Variants in ROBO2 observed in about 807,000 individuals in gnomAD.
ROBO2 encodes the protein roundabout homolog 2.
Under a neutral mutation model 160.8 loss-of-function variants are expected in ROBO2, and 53 were observed. The observed-to-expected ratio is 0.33, with a 90% confidence interval of 0.26 to 0.41. ROBO2 has a LOEUF of 0.41. ROBO2 is among the 10% of genes least tolerant of loss of function. ROBO2 has a pLI of 1.00. For missense variants in ROBO2, 1,577 were observed against 1,722.4 expected, an observed-to-expected ratio of 0.92 and a Z score of 1.49; for synonymous variants, 664 against 611.7, an observed-to-expected ratio of 1.09 and a Z score of -1.26.
chr3:77,134,337 A>T (rs1431637098), intron 2 of ROBO2, among the ~76,000 whole-genome samples: 1 of 152,204 alleles, frequency 6.6e-6, no homozygotes, highest in Non-Finnish European at 1.5e-5. Context: ...TTGACTTTTT[A>T]TTTTTGTAGT....
In ROBO2 at chr3:76,287,520, G is replaced by A. The variant is rs143638800; in HGVS notation, c.109+349918G>A. ...TCATCATGTTGGCCAGACTGGTCTC[G>A]AACTCCTGACCTCAGGTGATCCACC... On this transcript the variant is annotated intron_variant, in intron 2 of 26. Coordinates refer to the ROBO2 transcript ENST00000487694. Among the ~76,000 whole-genome samples, 519 of 152,038 alleles carry A rather than the reference G, an allele frequency of 3.4e-3. 6 individuals carry two copies. The highest frequency in any genetic ancestry group is 0.025 in the Admixed American group (378 of 15,274).
intron 2 of ROBO2, among the ~76,000 whole-genome samples, chr3:77,372,521 C>G (rs957909656): frequency 1.3e-5 from 2 of 152,028 alleles, no homozygotes; most frequent in Non-Finnish European, 2.9e-5. Flanking sequence ...ATCATGTCAC[C>G]GTGCATAAAA....
chr3:77,086,527 C>T (rs73112415), intron 1 of ROBO2, among the ~76,000 whole-genome samples: 5,816 of 152,194 alleles, frequency 0.038, 148 homozygotes, highest in East Asian at 0.12. Flanking sequence ...CATATCTGCA[C>T]AAAATTTTGC....
intron 2 of ROBO2, among the ~76,000 whole-genome samples, chr3:76,805,394 C>T (rs971799312): frequency 6.6e-6 from 1 of 151,890 alleles, no homozygotes; most frequent in Non-Finnish European, 1.5e-5. Context: ...TTGAATATAT[C>T]CTGCCACCAA....
At chr3:77,262,048 G>A (rs1011013954) in intron 2 of ROBO2, among the ~76,000 whole-genome samples, 4 of 152,080 alleles carry the variant, frequency 2.6e-5, no homozygotes, top group East Asian at 1.9e-4. Flanking sequence ...CAAGTTGCCC[G>A]CCTCATAATT....
chr3:76,130,263 A>G (rs2071175701), intron 2 of ROBO2, among the ~76,000 whole-genome samples: 1 of 152,082 alleles, frequency 6.6e-6, no homozygotes, highest in South Asian at 2.1e-4. Context: ...TTGCATTTGG[A>G]TATTTATTGC....
intron 2 of ROBO2, among the ~76,000 whole-genome samples, chr3:77,406,712 A>G (rs1018724175): frequency 2.6e-5 from 4 of 152,102 alleles, no homozygotes; most frequent in Admixed American, 6.6e-5. Context: ...GTTTTCACAT[A>G]TTTTGAAAGT....
chr3:77,131,025 T>C (rs937075666), intron 2 of ROBO2, among the ~76,000 whole-genome samples: 1 of 152,158 alleles, frequency 6.6e-6, no homozygotes, highest in African/African-American at 2.4e-5. Context: ...TCCTTTGAAA[T>C]ATATATATTA....
chr3:76,395,200 A>G (rs1195607134), intron 2 of ROBO2, among the ~76,000 whole-genome samples: 1 of 151,086 alleles, frequency 6.6e-6, no homozygotes, highest in Admixed American at 6.6e-5. Context: ...CTACATGGAA[A>G]CTGAACAACC....
chr3:76,281,852 A>G (rs1708250212), intron 2 of ROBO2, among the ~76,000 whole-genome samples: 1 of 152,016 alleles, frequency 6.6e-6, no homozygotes. Context: ...TGTTAGCACA[A>G]GGAATTGTTT....
At chr3:76,098,446 C>T (rs933192726) in intron 2 of ROBO2, among the ~76,000 whole-genome samples, 1 of 151,878 alleles carries the variant, frequency 6.6e-6, no homozygotes, top group Non-Finnish European at 1.5e-5. Context: ...GTTTTAAGTG[C>T]AAGTGTGTAT....
chr3:76,362,962 A>G (rs2108405226), intron 2 of ROBO2, among the ~76,000 whole-genome samples: 1 of 152,166 alleles, frequency 6.6e-6, no homozygotes, highest in Middle Eastern at 3.4e-3. Context: ...CAGGCGACAT[A>G]CACTGGGTAC....
At chr3:77,251,135 C>G (rs2090299382) in intron 2 of ROBO2, among the ~76,000 whole-genome samples, 1 of 152,054 alleles carries the variant, frequency 6.6e-6, no homozygotes, top group Non-Finnish European at 1.5e-5. Context: ...GTGATGAACC[C>G]ACCCCTGTGG....
chr3:77,222,493 A>G (rs776320327), intron 2 of ROBO2, among the ~76,000 whole-genome samples: 5 of 152,136 alleles, frequency 3.3e-5, no homozygotes, highest in Non-Finnish European at 7.4e-5. Flanking sequence ...ATGGAAACTT[A>G]TTTTTAAATA....
intron 2 of ROBO2, among the ~76,000 whole-genome samples, chr3:76,583,217 C>T (rs2085816323): frequency 2.0e-5 from 3 of 152,134 alleles, no homozygotes; most frequent in Admixed American, 1.3e-4. Flanking sequence ...AATGTTTTAA[C>T]TATGTGTTTC....
chr3:76,056,448 C>T (rs893008994), intron 2 of ROBO2, among the ~76,000 whole-genome samples: 1 of 151,696 alleles, frequency 6.6e-6, no homozygotes, highest in African/African-American at 2.4e-5. Flanking sequence ...AAGGCATGAT[C>T]ATGATGGTTG....
intron 2 of ROBO2, among the ~76,000 whole-genome samples, chr3:76,999,964 G>A (rs949226024): frequency 6.6e-6 from 1 of 152,100 alleles, no homozygotes; most frequent in African/African-American, 2.4e-5. Context: ...ATGATATATA[G>A]CAGGTGTTCA....
intron 2 of ROBO2, among the ~76,000 whole-genome samples, chr3:76,344,511 G>A (rs2074408589): frequency 6.6e-6 from 1 of 152,100 alleles, no homozygotes. Flanking sequence ...TAAAAGTCAA[G>A]GAACTCCAAA....
chr3:77,620,365 T>C (rs1017963134), intron 22 of ROBO2, among the ~76,000 whole-genome samples: 1 of 152,260 alleles, frequency 6.6e-6, no homozygotes, highest in Non-Finnish European at 1.5e-5. Context: ...GTCCTCTTCC[T>C]GTATTTCAAT....
Sources: gnomAD v4.1 joint callset for allele counts (sites outside exome capture counted in the v4.1 genomes callset) on GRCh38, gnomAD v4.1.1 for gene constraint, MANE v1.5 for transcripts, NCBI Gene and HGNC (gene_info 2026-07-23, HGNC 2026-07-21) for gene names.